Variants in UGT1A9 observed in about 807,000 individuals in gnomAD.
The protein encoded by UGT1A9 is UDP glucuronosyltransferase family 1 member A9.
Under a neutral mutation model 45.0 loss-of-function variants are expected in UGT1A9, and 35 were observed. That is an observed-to-expected ratio of 0.78 (90% CI 0.59 to 1.03). UGT1A9 has a LOEUF of 1.03. Among genes scored for constraint, UGT1A9 ranks in the 50% least tolerant of loss-of-function variants. The pLI is 0.00. For missense variants in UGT1A9, 687 were observed against 666.6 expected, an observed-to-expected ratio of 1.03 and a Z score of -0.34; for synonymous variants, 278 against 250.6, an observed-to-expected ratio of 1.11 and a Z score of -1.03.
chr2:233,713,370 T>A (rs1249114309), intron 1 of UGT1A9: 1 of 1,613,964 alleles, frequency 6.2e-7, no homozygotes, highest in Admixed American at 1.7e-5. Flanking sequence ...CATACATAGG[T>A]CTTGTGTGGA....
At chr2:233,733,871 G>T (rs1394272645) in intron 1 of UGT1A9, among the ~76,000 whole-genome samples, 1 of 152,036 alleles carries the variant, frequency 6.6e-6, no homozygotes, top group Non-Finnish European at 1.5e-5. Flanking sequence ...AATAGTTTCA[G>T]AAGGAATGGT....
chr2:233,697,019 A>G (rs2075370306), intron 1 of UGT1A9, among the ~76,000 whole-genome samples: 2 of 151,960 alleles, frequency 1.3e-5, no homozygotes, highest in South Asian at 4.1e-4. Flanking sequence ...TTCGTCAGAG[A>G]TATGGGCCCG....
At chr2:233,748,100 CCAAT>C (rs1693866670) in intron 1 of UGT1A9, 1 of 1,612,644 alleles carries the variant, frequency 6.2e-7, no homozygotes, top group South Asian at 1.1e-5. Context: ...GTGCCTTCAT[CCAAT>C]CAATGTTCCA....
At chr2:233,689,838 T>C (rs1230094386) in intron 1 of UGT1A9, 1 of 453,770 alleles carries the variant, frequency 2.2e-6, no homozygotes, top group Non-Finnish European at 4.4e-6. Context: ...CTAACTTTCT[T>C]GGATATTGTT....
At chr2:233,684,756 T>C (rs1404556453) in intron 1 of UGT1A9, among the ~76,000 whole-genome samples, 1 of 152,116 alleles carries the variant, frequency 6.6e-6, no homozygotes, top group Non-Finnish European at 1.5e-5. Flanking sequence ...CAAAGAAGAA[T>C]TCAGATCATA....
intron 1 of UGT1A9, chr2:233,690,992 C>T: frequency 2.0e-6 from 2 of 994,606 alleles, no homozygotes; most frequent in Non-Finnish European, 2.4e-6. Flanking sequence ...ATATGAGCAA[C>T]AGGATTTTCA....
rs552702165 is a variant in UGT1A9, at chr2:233,713,903, C to G, written c.855+41114C>G. The G allele has an allele frequency of 2.5e-6, 4 of 1,612,846 alleles. No homozygotes were observed. The Admixed American group carries it at 6.7e-5, about 27-fold the overall frequency. On this transcript the variant is annotated intron_variant, in intron 1 of 4. Coordinates refer to ENST00000354728, the MANE Select transcript of UGT1A9 (RefSeq NM_021027.3). ...TCCAATCAATGTTCCAGGCAAAACA[C>G]TTTTTAAAAAATGTATTTACTTACA...
intron 1 of UGT1A9, among the ~76,000 whole-genome samples, chr2:233,705,184 T>C (rs932565364): frequency 1.3e-5 from 2 of 152,066 alleles, no homozygotes; most frequent in African/African-American, 4.8e-5. Context: ...GAAGTATGCA[T>C]TGGTACTGCC....
At chr2:233,713,223 A>T (rs72551334) in intron 1 of UGT1A9, 2 of 1,614,132 alleles carry the variant, frequency 1.2e-6, no homozygotes, top group African/African-American at 2.7e-5. Flanking sequence ...TTTCACCCTG[A>T]CAACGTATGC....
chr2:233,716,698 TA>T (rs1450076401), intron 1 of UGT1A9, among the ~76,000 whole-genome samples: 1 of 152,204 alleles, frequency 6.6e-6, no homozygotes, highest in African/African-American at 2.4e-5. Context: ...TACATTCTCT[TA>T]AAAACACTAA....
chr2:233,693,817 G>C (rs1367141196), intron 1 of UGT1A9: 1 of 1,614,142 alleles, frequency 6.2e-7, no homozygotes, highest in Admixed American at 1.7e-5. Flanking sequence ...TGCCCAACAT[G>C]GTCTTCATTG....
chr2:233,738,647 T>G (rs1690861209), intron 1 of UGT1A9, among the ~76,000 whole-genome samples: 1 of 152,210 alleles, frequency 6.6e-6, no homozygotes, highest in Non-Finnish European at 1.5e-5. Context: ...TAGAGCTCTT[T>G]GGAACTACGA....
intron 1 of UGT1A9, chr2:233,719,233 T>C: frequency 1.2e-6 from 2 of 1,614,226 alleles, no homozygotes; most frequent in Non-Finnish European, 1.7e-6. Context: ...GAGGCCCTGA[T>C]CAGGCACCTG....
At chr2:233,743,747 GACA>G (rs1559387814) in intron 1 of UGT1A9, 2 of 1,367,344 alleles carry the variant, frequency 1.5e-6, no homozygotes, top group South Asian at 1.1e-5. Context: ...CTTGGCGTCC[GACA>G]ACACCTCGTA....
At chr2:233,752,994 T>C (rs1324115545) in intron 1 of UGT1A9, among the ~76,000 whole-genome samples, 2 of 152,114 alleles carry the variant, frequency 1.3e-5, no homozygotes, top group Admixed American at 1.3e-4. Flanking sequence ...ACCCACTCAT[T>C]CTATCCTACC....
intron 1 of UGT1A9, chr2:233,692,122 T>C (rs2125550714): frequency 6.6e-6 from 1 of 152,296 alleles, no homozygotes; most frequent in South Asian, 2.1e-4. Context: ...TAATCAATCA[T>C]GCCTACTATG....
Position 233,769,795 on chromosome 2 carries a change from C to A in UGT1A9, c.1295+1356C>A. 1 of 1,235,564 alleles carries A rather than the reference C, an allele frequency of 8.1e-7. No homozygotes were observed. The highest frequency in any genetic ancestry group is 1.1e-6 in the Non-Finnish European group (1 of 932,226). 76.5% of individuals were successfully genotyped at this position (1,235,564 alleles called of 1,614,324 possible). On this transcript the variant is annotated intron_variant, in intron 4 of 4. Coordinates refer to ENST00000354728, the MANE Select transcript of UGT1A9 (RefSeq NM_021027.3). This position sits in a 1 kb window ranked among gnomAD's most constrained non-coding sequence, Gnocchi z 4.4. ...GCTTGAGCCCAGAAGTTGGAGGCTG[C>A]TATGAGCCGTGATCATGCCACTGCA...
intron 1 of UGT1A9, chr2:233,682,441 C>A: frequency 6.2e-7 from 1 of 1,613,824 alleles, no homozygotes. Flanking sequence ...CTGTGGTCTT[C>A]GCCAGGGGAA....
intron 1 of UGT1A9, chr2:233,717,937 A>G: frequency 4.4e-6 from 2 of 454,168 alleles, no homozygotes; most frequent in East Asian, 7.0e-5. Flanking sequence ...TTCAGTCTCT[A>G]TGCAGACTTG....
Sources: allele counts gnomAD v4.1 joint callset (sites outside exome capture counted in the v4.1 genomes callset), GRCh38; gene constraint gnomAD v4.1.1; non-coding constraint Gnocchi (gnomAD v3.1); transcripts MANE v1.5; gene names NCBI Gene and HGNC (gene_info 2026-07-23, HGNC 2026-07-21).